Variants in SAMMSON observed in about 807,000 individuals in gnomAD.
SAMMSON encodes survival associated mitochondrial melanoma specific oncogenic non-coding RNA, also known as long intergenic non-protein coding RNA 1212.
At chr3:70,272,360 A>G (rs1390741897) in intron 6 of SAMMSON, 1 of 152,176 alleles carries the variant, frequency 6.6e-6, no homozygotes, top group Non-Finnish European at 1.5e-5. Flanking sequence ...CTAAGATTTC[A>G]TACACTATGT....
At chr3:70,302,500 A>G (rs1016832055) in intron 7 of SAMMSON, 2 of 152,182 alleles carry the variant, frequency 1.3e-5, no homozygotes, top group African/African-American at 4.8e-5. Context: ...GATTAAGTGT[A>G]TCACATCAAC....
At chr3:70,233,518 A>G (rs1701580709) in intron 4 of SAMMSON, among the ~76,000 whole-genome samples, 1 of 152,198 alleles carries the variant, frequency 6.6e-6, no homozygotes, top group South Asian at 2.1e-4. Context: ...ATAATTGACA[A>G]GGCTTTAAAG....
intron 9 of SAMMSON, among the ~76,000 whole-genome samples, chr3:70,379,358 C>A (rs1348384840): frequency 6.6e-6 from 1 of 152,154 alleles, no homozygotes; most frequent in African/African-American, 2.4e-5. Context: ...CTAAATCTAA[C>A]AGCCTTGTTT....
chr3:70,157,155 T>C (rs1340541312), intron 4 of SAMMSON, among the ~76,000 whole-genome samples: 1 of 152,134 alleles, frequency 6.6e-6, no homozygotes, highest in African/African-American at 2.4e-5. Context: ...GACTTTTACT[T>C]TTTCCTAAAC....
At chr3:70,254,929 T>G (rs1701801152) in intron 6 of SAMMSON, among the ~76,000 whole-genome samples, 1 of 152,236 alleles carries the variant, frequency 6.6e-6, no homozygotes, top group African/African-American at 2.4e-5. Context: ...TCCTCTGTAA[T>G]GGTTTCCTAA....
At chr3:70,329,784 C>T (rs1425281754) in intron 7 of SAMMSON, among the ~76,000 whole-genome samples, 1 of 151,726 alleles carries the variant, frequency 6.6e-6, no homozygotes, top group East Asian at 1.9e-4. Context: ...ATCATTTTAT[C>T]TCTGGTTTGC....
chr3:70,293,479 C>T (rs948884860), intron 7 of SAMMSON, among the ~76,000 whole-genome samples: 2 of 152,048 alleles, frequency 1.3e-5, no homozygotes, highest in African/African-American at 4.8e-5. Flanking sequence ...GACAAAATCA[C>T]AGGCGATGCT....
At chr3:70,232,977 C>A (rs1701575215) in intron 4 of SAMMSON, among the ~76,000 whole-genome samples, 1 of 152,074 alleles carries the variant, frequency 6.6e-6, no homozygotes, top group Non-Finnish European at 1.5e-5. Flanking sequence ...TCGCTTGAGG[C>A]CAGAAGTTCA....
intron 9 of SAMMSON, among the ~76,000 whole-genome samples, chr3:70,379,402 A>C (rs1021331608): frequency 6.6e-6 from 1 of 152,186 alleles, no homozygotes; most frequent in Non-Finnish European, 1.5e-5. Flanking sequence ...TTTAGTGTGC[A>C]GAATGTTGAA....
At chr3:70,057,631 T>C (rs761006378) in intron 3 of SAMMSON, among the ~76,000 whole-genome samples, 1 of 151,906 alleles carries the variant, frequency 6.6e-6, no homozygotes, top group Non-Finnish European at 1.5e-5. Context: ...AAGCTATACA[T>C]ATGCATATAC....
At chr3:70,372,445 G>T (rs951167826) in intron 9 of SAMMSON, among the ~76,000 whole-genome samples, 2 of 152,052 alleles carry the variant, frequency 1.3e-5, no homozygotes, top group African/African-American at 4.8e-5. Context: ...CTGAGTAGCA[G>T]GGATTACAGG....
At chr3:70,272,649 G>T (rs1031250394) in intron 6 of SAMMSON, among the ~76,000 whole-genome samples, 1 of 152,124 alleles carries the variant, frequency 6.6e-6, no homozygotes, top group Non-Finnish European at 1.5e-5. Context: ...CGAATGGCAG[G>T]TGTATGTTTA....
At chr3:70,137,261 A>G (rs887008041) in intron 4 of SAMMSON, among the ~76,000 whole-genome samples, 10 of 152,228 alleles carry the variant, frequency 6.6e-5, no homozygotes, top group African/African-American at 2.4e-4. Context: ...TATGTATAGT[A>G]CAGATAGGTC....
intron 4 of SAMMSON, chr3:70,125,625 A>G (rs2067454693): frequency 4.3e-6 from 3 of 699,778 alleles, no homozygotes; most frequent in South Asian, 3.0e-5. Flanking sequence ...TCTTAAATGC[A>G]GCTGGCATGT....
intron 4 of SAMMSON, among the ~76,000 whole-genome samples, chr3:70,209,405 G>A (rs1009200770): frequency 2.0e-5 from 3 of 152,020 alleles, no homozygotes; most frequent in Non-Finnish European, 2.9e-5. Flanking sequence ...ACAGAGTGGC[G>A]TGTATCTTAT....
intron 4 of SAMMSON, among the ~76,000 whole-genome samples, chr3:70,093,730 G>T (rs529781747): frequency 1.3e-5 from 2 of 152,232 alleles, no homozygotes; most frequent in East Asian, 3.9e-4. Context: ...GGTGGAGTGG[G>T]CAGATCTCTT....
At chr3:70,252,863 T>C (rs1174072639) in intron 6 of SAMMSON, among the ~76,000 whole-genome samples, 2 of 151,818 alleles carry the variant, frequency 1.3e-5, no homozygotes, top group Non-Finnish European at 2.9e-5. Flanking sequence ...GCAGATCACC[T>C]GAGGTCAGGA....
intron 4 of SAMMSON, among the ~76,000 whole-genome samples, chr3:70,116,741 T>C (rs2067413331): frequency 6.6e-6 from 1 of 152,110 alleles, no homozygotes; most frequent in African/African-American, 2.4e-5. Flanking sequence ...AGAAACAAAG[T>C]ATAAAATATG....
intron 4 of SAMMSON, among the ~76,000 whole-genome samples, chr3:70,146,276 G>T (rs1357620368): frequency 6.6e-6 from 1 of 151,902 alleles, no homozygotes; most frequent in Non-Finnish European, 1.5e-5. Context: ...TCCTAATTAT[G>T]CCCAATCTTG....
Sources: allele counts gnomAD v4.1 joint callset (sites outside exome capture counted in the v4.1 genomes callset), GRCh38; gene constraint gnomAD v4.1.1; transcripts MANE v1.5; gene names NCBI Gene and HGNC (gene_info 2026-07-23, HGNC 2026-07-21).